Variants in CLPP observed in about 807,000 individuals in gnomAD.
CLPP encodes the protein caseinolytic mitochondrial matrix peptidase proteolytic subunit.
In CLPP, 14 loss-of-function variants were observed where a neutral mutation model predicts 27.4. The ratio of observed to expected loss-of-function variants is 0.51; its 90% CI spans 0.34 to 0.80. The LOEUF is 0.80. CLPP is among the 30% of genes least tolerant of loss of function. The pLI is 0.02. For synonymous variants in CLPP, 193 were observed against 166.6 expected (o/e 1.16, Z -1.22); for missense variants, 361 against 403.6 (o/e 0.89, Z 0.90).
intron 2 of CLPP, 47 bp from the exon 3 acceptor site, chr19:6,362,395 ACTCT>A (rs752524972): frequency 1.0e-5 from 14 of 1,340,776 alleles, no homozygotes; most frequent in Non-Finnish European, 1.3e-5. Flanking sequence ...CTCCCTTAAA[ACTCT>A]CTCCCCACCC....
rs1035175986 is a variant in CLPP, at chr19:6,362,478, A to G, written c.303A>G (p.Ala101=). The change falls in exon 3 of 6, where the codon GCA becomes GCG. Residue 101 remains alanine (A), a synonymous_variant. Coordinates refer to ENST00000245816, the MANE Select transcript of CLPP (RefSeq NM_006012.4). The part of the protein sequence containing the change: ...IDDSVASLVI[A]QLLFLQSESN... ...ACAGCGTTGCCAGCCTTGTTATCGC[A>G]CAGCTCCTCTTCCTGCAATCCGAGA... 3.7e-6 allele frequency: 6 copies of G among 1,613,710 alleles called. No individual in the cohort carries two copies. The highest frequency in any genetic ancestry group is 5.1e-6 in the Non-Finnish European group (6 of 1,179,892).
rs1177688708 is a variant in CLPP at position 6,369,253 on chromosome 19, T to C, written c.*543T>C. 6.6e-6 allele frequency among the ~76,000 whole-genome samples: 1 copy of C among 152,090 alleles called. No individual in the cohort carries two copies. The highest frequency in any genetic ancestry group is 1.5e-5 in the Non-Finnish European group (1 of 68,006). On this transcript the variant is annotated 3_prime_UTR_variant, in exon 6 of 6. Transcript: ENST00000245816. ...CTGGCTAACATGGTGAAACCCCATT[T>C]CTACTAAAAATACAAAAATTAGCCG...
At chr19:6,362,370 T>A in intron 2 of CLPP, 76 bp from the exon 3 acceptor site, 1 of 1,010,360 alleles carries the variant, frequency 9.9e-7, no homozygotes, top group Middle Eastern at 2.0e-4. Flanking sequence ...CCTGGTTCCC[T>A]GACCCATCCC....
rs761101197 is a variant in CLPP at position 6,362,521 on chromosome 19, C to T, written c.346C>T (p.His116Tyr). The T allele has an allele frequency of 6.2e-7, 1 of 1,613,572 alleles. No homozygotes were observed. Among genetic ancestry groups the T allele is most frequent in the African/African-American group, 1.3e-5 (1 of 74,906 alleles). The change falls in exon 3 of 6, where the codon CAC becomes TAC. Residue 116 changes from histidine (H) to tyrosine (Y), a missense_variant. Physicochemically the swap from His to Tyr is moderately conservative, Grantham distance 83. Coordinates refer to ENST00000245816, the MANE Select transcript of CLPP (RefSeq NM_006012.4). ...ATCCGAGAGCAACAAGAAGCCCATC[C>T]ACATGTACATCAACAGCCCTGGTGA... The part of the protein sequence containing the change: ...LQSESNKKPI[H>Y]MYINSPGGVV...
intron 4 of CLPP, 107 bp from the exon 5 acceptor site, chr19:6,366,151 G>A (rs777291916): frequency 8.8e-6 from 6 of 680,696 alleles, no homozygotes; most frequent in East Asian, 2.7e-5. Flanking sequence ...GCCTCAAACC[G>A]GAAGCCCAAA....
chr19:6,363,620 G>A (rs1451954200), intron 3 of CLPP, among the ~76,000 whole-genome samples: 1 of 152,046 alleles, frequency 6.6e-6, no homozygotes, highest in African/African-American at 2.4e-5. Context: ...CTTCTAGACC[G>A]GACGCAGTGG....
At position 6,361,539 on chromosome 19, in the gene CLPP, G is replaced by A. The variant is rs768761702; in HGVS notation, c.-36G>A. ...AAAGCACGCCGGAAGCTGTAGTTCC[G>A]CCATCGGACGGAAGCCGACCGGGGC... On this transcript the variant is annotated 5_prime_UTR_variant, in exon 1 of 6. Transcript: ENST00000245816. The A allele has an allele frequency of 5.8e-6, 8 of 1,368,236 alleles. No individual in the cohort carries two copies. The highest frequency in any genetic ancestry group is 3.5e-5 in the Admixed American group (1 of 28,382). 84.8% of individuals were successfully genotyped at this position (1,368,236 alleles called of 1,614,324 possible). A position where few individuals can be genotyped will look rare whatever the true frequency, so the allele number is the denominator to read the frequency against.
chr19:6,363,080 C>T lies in CLPP; in HGVS notation c.367+538C>T, dbSNP rs575282531. 2.6e-5 allele frequency among the ~76,000 whole-genome samples: 4 copies of T among 151,478 alleles called. No individual in the cohort carries two copies. In the South Asian group the frequency reaches 8.3e-4, roughly 31 times the overall value. On this transcript the variant is annotated intron_variant, in intron 3 of 5. Coordinates refer to ENST00000245816, the MANE Select transcript of CLPP (RefSeq NM_006012.4). ...ATAATTGGTAGATTTTTTCCCCCTC[C>T]CCAAAAAAAGTAGTCAATTTTGATT...
In CLPP at chr19:6,368,918, C is replaced by A. The variant is rs1452734542; in HGVS notation, c.*208C>A. On this transcript the variant is annotated 3_prime_UTR_variant, in exon 6 of 6. Coordinates refer to ENST00000245816, the MANE Select transcript of CLPP (RefSeq NM_006012.4). ...TGTGGTCTTTGCTCTGCGTCTGGGA[C>A]ACCCTCCCTTCTGCACCATGACAGC... 9 of 585,950 alleles carry A rather than the reference C, an allele frequency of 1.5e-5. No individual in the cohort carries two copies. The highest frequency in any genetic ancestry group is 2.7e-5 in the Non-Finnish European group (9 of 329,506). 36.3% of individuals were successfully genotyped at this position (585,950 alleles called of 1,614,324 possible). A position where few individuals can be genotyped will look rare whatever the true frequency, so the allele number is the denominator to read the frequency against.
At chr19:6,363,464 A>C (rs1290408119) in intron 3 of CLPP, among the ~76,000 whole-genome samples, 1 of 152,070 alleles carries the variant, frequency 6.6e-6, no homozygotes, top group South Asian at 2.1e-4. Context: ...ATCTGATCCC[A>C]TGGTCCACTG....
At chr19:6,366,387 C>T (rs377161361) in intron 5 of CLPP, 24 bp downstream of exon 5, 123 of 1,561,376 alleles carry the variant, frequency 7.9e-5, no homozygotes, top group Non-Finnish European at 1.0e-4. Flanking sequence ...TTTATTTCAT[C>T]CTGGTCCGTG....
intron 3 of CLPP, among the ~76,000 whole-genome samples, chr19:6,364,062 G>A (rs1452852912): frequency 2.8e-5 from 4 of 141,322 alleles, no homozygotes; most frequent in East Asian, 2.1e-4. Flanking sequence ...ATGGAGTCTC[G>A]TTCTGTCGCC....
At chr19:6,364,866 C>T in intron 4 of CLPP, 3 of 465,980 alleles carry the variant, frequency 6.4e-6, no homozygotes, top group Non-Finnish European at 7.6e-6. Flanking sequence ...GTAGCTGGGA[C>T]TACAGGCGCC....
In CLPP at chr19:6,369,468, C is replaced by T. The variant is rs1000943586; in HGVS notation, c.*758C>T. ...GGTGGCATGCAAGTGTGAGGGTAAG[C>T]GTGTTACAGTTTTTTATGGGGTAAT... On this transcript the variant is annotated 3_prime_UTR_variant, in exon 6 of 6. Transcript: ENST00000245816. 1.7e-4 allele frequency among the ~76,000 whole-genome samples: 25 copies of T among 149,248 alleles called. No individual in the cohort carries two copies. Among genetic ancestry groups the T allele is most frequent in the African/African-American group, 5.7e-4 (23 of 40,622 alleles).
chr19:6,364,382 T>G, intron 3 of CLPP, 70 bp from the exon 4 acceptor site: 1 of 1,438,324 alleles, frequency 7.0e-7, no homozygotes, highest in Non-Finnish European at 9.5e-7. Context: ...CCTCCCCAGG[T>G]TTAGGAGATG....
Position 6,364,812 on chromosome 19 carries a change from T to A in CLPP, c.555+173T>A, listed in dbSNP as rs2091854280. ...GGTGCGATCTCGGCTCACTGCAAGC[T>A]CCGCCTCCTGGGTTCACGCCATTCT... On this transcript the variant is annotated intron_variant, in intron 4 of 5. Transcript: ENST00000245816. The A allele has an allele frequency of 1.1e-5, 7 of 616,856 alleles. No homozygotes were observed. The South Asian group carries it at 1.5e-4, about 14-fold the overall frequency. The allele number at this position is 616,856 out of a possible 1,614,324, so 38.2% of individuals were successfully genotyped here.
Position 6,364,350 on chromosome 19 carries a change from AG to A in CLPP, c.368-96del, listed in dbSNP as rs944410776. Reference sequence around the variant, plus strand: ...CAGTCATATTAATTTTTAAAAAAGGAGGGGGGCTGCATCTGTTCCACCCTCC... The same window carrying A: ...CAGTCATATTAATTTTTAAAAAAGGAGGGGGCTGCATCTGTTCCACCCTCC... On this transcript the variant is annotated intron_variant, in intron 3 of 5. Transcript: ENST00000245816. 100 of 1,080,854 alleles carry A rather than the reference AG, an allele frequency of 9.3e-5. No individual in the cohort carries two copies. The African/African-American group carries it at 1.3e-3, about 14-fold the overall frequency. 67.0% of individuals were successfully genotyped at this position (1,080,854 alleles called of 1,614,324 possible). A position where few individuals can be genotyped will look rare whatever the true frequency, so the allele number is the denominator to read the frequency against.
chr19:6,363,892 C>CA (rs367560960), intron 3 of CLPP, among the ~76,000 whole-genome samples: 22,314 of 132,794 alleles, frequency 0.17, 2,278 homozygotes, highest in East Asian at 0.41. Flanking sequence ...GACTCAGTCT[C>CA]AAAAAAAAAA....
chr19:6,361,949 C>T lies in CLPP; in HGVS notation c.270+9C>T. ...TGTGCGTCATGGGCCCGGTGAGCGCCCCGCGCCGGGACCCTCCCCAGGACT... is the reference window on the plus strand; with the variant it reads ...TGTGCGTCATGGGCCCGGTGAGCGCTCCGCGCCGGGACCCTCCCCAGGACT... On this transcript the variant is annotated intron_variant, in intron 2 of 5. Transcript: ENST00000245816. 1 of 1,596,598 alleles carries T rather than the reference C, an allele frequency of 6.3e-7. No homozygotes were observed. Among genetic ancestry groups the T allele is most frequent in the Non-Finnish European group, 8.5e-7 (1 of 1,178,982 alleles).
Sources: allele counts gnomAD v4.1 joint callset (sites outside exome capture counted in the v4.1 genomes callset), GRCh38; gene constraint gnomAD v4.1.1; transcripts MANE v1.5; gene names NCBI Gene and HGNC (gene_info 2026-07-23, HGNC 2026-07-21).